Variants in ETV1 observed in about 807,000 individuals in gnomAD.
ETV1 encodes ETS variant transcription factor 1.
A neutral mutation model predicts 62.3 loss-of-function variants in ETV1; 27 were observed. The ratio of observed to expected loss-of-function variants is 0.43; its 90% CI spans 0.32 to 0.60. ETV1 has a LOEUF of 0.60. ETV1 is among the 20% of genes least tolerant of loss of function. ETV1 has a pLI of 0.06. For synonymous variants in ETV1, 222 were observed against 199.6 expected (o/e 1.11, Z -0.94); for missense variants, 605 against 605.8 (o/e 1.00, Z 0.01).
At chr7:13,954,474 C>T (rs770571200) in intron 6 of ETV1, among the ~76,000 whole-genome samples, 30 of 152,172 alleles carry the variant, frequency 2.0e-4, no homozygotes, top group Non-Finnish European at 3.1e-4. Flanking sequence ...ATACTATTAT[C>T]GTTCCATTCT....
chr7:13,911,120 T>C, intron 10 of ETV1, 119 bp downstream of exon 10: 1 of 696,112 alleles, frequency 1.4e-6, no homozygotes, highest in South Asian at 1.8e-5. Context: ...AAACAATTGC[T>C]TAGGGAACAT....
Position 13,935,779 on chromosome 7 carries a change from A to G in ETV1, c.483T>C (p.Pro161=). The G allele has an allele frequency of 6.2e-7, 1 of 1,613,880 alleles. No individual in the cohort carries two copies. Among genetic ancestry groups the G allele is most frequent in the Non-Finnish European group, 8.5e-7 (1 of 1,179,868 alleles). The part of the protein sequence containing the change: ...ASPNSTHTPK[P]DRAFPAHLPP... The stretch of plus-strand genomic sequence containing the variant: ...GGAGGTGAGCTGGGAAGGCCCGGTC[A>G]GGTTTCGGTGTATGAGTTGAGTTTG... Residue 161 remains proline (P), a synonymous_variant, in exon 8 of 14, where the codon CCT becomes CCC. Transcript: ENST00000430479.
At chr7:13,979,037 A>AT (rs1302119831) in intron 5 of ETV1, among the ~76,000 whole-genome samples, 8 of 151,990 alleles carry the variant, frequency 5.3e-5, no homozygotes, top group Non-Finnish European at 1.2e-4. Flanking sequence ...TGCAAGGAGA[A>AT]TTTTTTTCTC....
At chr7:13,943,583 T>G (rs943389664) in intron 6 of ETV1, among the ~76,000 whole-genome samples, 1 of 152,188 alleles carries the variant, frequency 6.6e-6, no homozygotes, top group African/African-American at 2.4e-5. Context: ...CAAAGAAGCT[T>G]TATTCATGAT....
intron 13 of ETV1, among the ~76,000 whole-genome samples, chr7:13,896,712 GGA>G (rs949317852): frequency 8.7e-6 from 1 of 114,546 alleles, no homozygotes; most frequent in Non-Finnish European, 1.8e-5. Context: ...AAGAAAGAAA[GGA>G]GAGAGAAAGA....
intron 12 of ETV1, among the ~76,000 whole-genome samples, chr7:13,905,679 T>C (rs549853952): frequency 1.3e-5 from 2 of 152,306 alleles, no homozygotes; most frequent in East Asian, 3.9e-4. Context: ...TTGAAGTTAG[T>C]TGAAGGTGTC....
rs1279523552 is a variant in ETV1 at position 13,893,721 on chromosome 7, CA to C, written c.*2144del. The C allele has an allele frequency of 4.3e-6, 1 of 232,598 alleles. No individual in the cohort carries two copies. Among genetic ancestry groups the C allele is most frequent in the East Asian group, 6.1e-5 (1 of 16,332 alleles). The allele number at this position is 232,598 out of a possible 1,614,324, so 14.4% of individuals were successfully genotyped here. A position where few individuals can be genotyped will look rare whatever the true frequency, so the allele number is the denominator to read the frequency against. The stretch of plus-strand genomic sequence containing the variant: ...CTTAAATTTTCTCCTTCAATTTCAC[CA>C]AATCTCAATTATATATCTCAATTCC... On this transcript the variant is annotated 3_prime_UTR_variant, in exon 14 of 14. Transcript: ENST00000430479.
chr7:13,908,289 C>A (rs1429264272), intron 11 of ETV1, among the ~76,000 whole-genome samples: 1 of 152,058 alleles, frequency 6.6e-6, no homozygotes, highest in Non-Finnish European at 1.5e-5. Flanking sequence ...ATTAGTGTGA[C>A]TTTGGCCTGT....
At chr7:13,897,079 T>G (rs567852132) in intron 13 of ETV1, among the ~76,000 whole-genome samples, 2 of 151,976 alleles carry the variant, frequency 1.3e-5, no homozygotes, top group Non-Finnish European at 2.9e-5. Flanking sequence ...CCCTAGAAAA[T>G]TATAAACAAC....
At chr7:13,906,666 T>A in intron 11 of ETV1, 67 bp from the exon 12 acceptor site, 1 of 1,195,088 alleles carries the variant, frequency 8.4e-7, no homozygotes, top group East Asian at 2.7e-5. Context: ...AAATGTACAT[T>A]AAATCAATCA....
intron 2 of ETV1, 38 bp from the exon 3 acceptor site, chr7:13,989,177 A>C (rs1412677565): frequency 1.2e-4 from 90 of 756,286 alleles, no homozygotes; most frequent in Non-Finnish European, 1.7e-4. Flanking sequence ...CTTAAAAAAA[A>C]ATCATGAATG....
intron 6 of ETV1, among the ~76,000 whole-genome samples, chr7:13,941,934 T>C (rs1787570600): frequency 6.6e-6 from 1 of 151,702 alleles, no homozygotes; most frequent in Non-Finnish European, 1.5e-5. Flanking sequence ...TCCCATTGTA[T>C]ATCTGCGTGT....
chr7:13,956,760 C>G (rs1247833427), intron 6 of ETV1, among the ~76,000 whole-genome samples: 2 of 152,164 alleles, frequency 1.3e-5, no homozygotes, highest in Non-Finnish European at 2.9e-5. Context: ...TTGCACAATG[C>G]AAGTCTTTAT....
rs749235215 is a variant in ETV1, at chr7:13,939,241, A to G, written c.241T>C (p.Phe81Leu). 6.2e-6 allele frequency: 10 copies of G among 1,601,760 alleles called. No homozygotes were observed. The East Asian group carries it at 2.2e-4, about 36-fold the overall frequency. ...TTGATTTTCAGTGGCAGGCCATGAAAAGCCACTAGAAAAAAGAACAAAAAT... is the reference window on the plus strand; with the variant it reads ...TTGATTTTCAGTGGCAGGCCATGAAGAGCCACTAGAAAAAAGAACAAAAAT... ...VPDYQAESLA[F>L]HGLPLKIKKE... Residue 81 changes from phenylalanine to leucine, a missense_variant, in exon 7 of 14, where the codon TTT becomes CTT. Coordinates refer to ENST00000430479, the MANE Select transcript of ETV1 (RefSeq NM_004956.5).
intron 6 of ETV1, among the ~76,000 whole-genome samples, chr7:13,972,035 G>A (rs768159653): frequency 3.9e-5 from 6 of 152,100 alleles, no homozygotes; most frequent in Admixed American, 1.3e-4. Context: ...ACTTGAATCC[G>A]GGAGGCAGGA....
chr7:13,906,141 T>C (rs898396504), intron 12 of ETV1: 1 of 246,846 alleles, frequency 4.1e-6, no homozygotes, highest in African/African-American at 2.2e-5. Flanking sequence ...ATTCAGATGC[T>C]CCTTTAGAAA....
At chr7:13,956,087 A>G (rs966272123) in intron 6 of ETV1, among the ~76,000 whole-genome samples, 6 of 152,212 alleles carry the variant, frequency 3.9e-5, no homozygotes, top group African/African-American at 1.4e-4. Flanking sequence ...ACCAAATTAC[A>G]ATTACATTTG....
intron 9 of ETV1, among the ~76,000 whole-genome samples, chr7:13,923,353 T>C (rs17167660): frequency 0.05 from 7,675 of 152,240 alleles, 223 homozygotes; most frequent in South Asian, 0.11. Context: ...TTAGGATGAG[T>C]ATCCACCAAC....
intron 12 of ETV1, among the ~76,000 whole-genome samples, chr7:13,903,365 C>T (rs17167627): frequency 0.052 from 7,929 of 152,218 alleles, 243 homozygotes; most frequent in South Asian, 0.11. Flanking sequence ...TAACAACAAT[C>T]AGGGCCTGGC....
Sources: allele counts gnomAD v4.1 joint callset (sites outside exome capture counted in the v4.1 genomes callset), GRCh38; gene constraint gnomAD v4.1.1; transcripts MANE v1.5; gene names NCBI Gene and HGNC (gene_info 2026-07-23, HGNC 2026-07-21).